Variants in KIAA1328 observed in about 807,000 individuals in gnomAD.
KIAA1328 encodes the protein protein hinderin.
In KIAA1328, 52 loss-of-function variants were observed where a neutral mutation model predicts 68.1. The observed-to-expected ratio is 0.76, with a 90% CI of 0.61 to 0.96. The LOEUF (loss-of-function observed/expected upper bound fraction) is 0.96, where lower values mean the gene tolerates loss of function less well. Among genes scored for constraint, KIAA1328 ranks in the 40% least tolerant of loss-of-function variants. KIAA1328 has a pLI of 0.00. For synonymous variants in KIAA1328, 232 were observed against 239.4 expected (o/e 0.97, Z 0.28); for missense variants, 641 against 677.6 (o/e 0.95, Z 0.60).
At chr18:37,042,043 C>T (rs1352604775) in intron 6 of KIAA1328, among the ~76,000 whole-genome samples, 1 of 151,938 alleles carries the variant, frequency 6.6e-6, no homozygotes, top group Non-Finnish European at 1.5e-5. Flanking sequence ...ACCACACCTA[C>T]CTAATTTTGT....
At chr18:36,996,550 G>A (rs190294649) in intron 6 of KIAA1328, among the ~76,000 whole-genome samples, 1 of 152,164 alleles carries the variant, frequency 6.6e-6, no homozygotes, top group East Asian at 1.9e-4. Context: ...TTAAAGCTCT[G>A]AGAAGATAAT....
At chr18:37,207,156 G>A (rs1047818238) in intron 9 of KIAA1328, among the ~76,000 whole-genome samples, 5 of 152,110 alleles carry the variant, frequency 3.3e-5, no homozygotes, top group African/African-American at 1.2e-4. Flanking sequence ...TGTTTACCTT[G>A]AGTCAATTTT....
chr18:37,096,270 T>C (rs895275287), intron 7 of KIAA1328, among the ~76,000 whole-genome samples: 1 of 152,106 alleles, frequency 6.6e-6, no homozygotes, highest in African/African-American at 2.4e-5. Context: ...ATGTTCCCCT[T>C]CCTGTGTCCA....
chr18:36,920,410 G>A (rs925700550), intron 5 of KIAA1328, among the ~76,000 whole-genome samples: 1 of 152,022 alleles, frequency 6.6e-6, no homozygotes, highest in African/African-American at 2.4e-5. Flanking sequence ...TGGTCTATGT[G>A]TCTTTTTTTT....
chr18:37,056,130 G>A (rs1245350259), intron 6 of KIAA1328, among the ~76,000 whole-genome samples: 1 of 152,040 alleles, frequency 6.6e-6, no homozygotes, highest in East Asian at 1.9e-4. Context: ...TACTGCAATT[G>A]TTTTTTGACA....
At chr18:36,969,014 TAAAC>T (rs1225278570) in intron 6 of KIAA1328, among the ~76,000 whole-genome samples, 1 of 152,154 alleles carries the variant, frequency 6.6e-6, no homozygotes, top group African/African-American at 2.4e-5. Context: ...TCATGGAAAT[TAAAC>T]AATCTGCTTG....
intron 6 of KIAA1328, among the ~76,000 whole-genome samples, chr18:36,994,782 A>G (rs1245773654): frequency 6.6e-6 from 1 of 152,068 alleles, no homozygotes; most frequent in Non-Finnish European, 1.5e-5. Flanking sequence ...TCCTTCTTAA[A>G]TAGACTTCTA....
chr18:37,172,104 G>C (rs971383250), intron 8 of KIAA1328, among the ~76,000 whole-genome samples: 8 of 152,166 alleles, frequency 5.3e-5, no homozygotes, highest in African/African-American at 1.9e-4. Context: ...TGGCATTTTA[G>C]GGTCTGGTAT....
chr18:37,067,793 C>T (rs965127628), intron 7 of KIAA1328, among the ~76,000 whole-genome samples: 3 of 152,070 alleles, frequency 2.0e-5, no homozygotes, highest in Non-Finnish European at 2.9e-5. Flanking sequence ...CTCCTGATCT[C>T]ATGATCCACC....
At chr18:36,880,754 T>A (rs1205721406) in intron 4 of KIAA1328, among the ~76,000 whole-genome samples, 1 of 152,148 alleles carries the variant, frequency 6.6e-6, no homozygotes, top group Non-Finnish European at 1.5e-5. Context: ...AGGTAGTTTC[T>A]CCTGTTCCTA....
At chr18:37,202,877 G>C (rs932805075) in intron 9 of KIAA1328, among the ~76,000 whole-genome samples, 1 of 152,054 alleles carries the variant, frequency 6.6e-6, no homozygotes, top group African/African-American at 2.4e-5. Flanking sequence ...GATATCAAAA[G>C]TAAGATCACA....
intron 6 of KIAA1328, among the ~76,000 whole-genome samples, chr18:37,046,848 C>T (rs1246296447): frequency 6.6e-6 from 1 of 152,130 alleles, no homozygotes; most frequent in Middle Eastern, 3.2e-3. Context: ...AAGGTAGTTC[C>T]AGCTGGGCGC....
At chr18:37,181,771 A>T (rs1288564097) in intron 9 of KIAA1328, among the ~76,000 whole-genome samples, 1 of 152,190 alleles carries the variant, frequency 6.6e-6, no homozygotes, top group Non-Finnish European at 1.5e-5. Context: ...AAATCTTTCT[A>T]AAGACCTAAG....
chr18:37,097,416 C>T (rs2057446777), intron 7 of KIAA1328, among the ~76,000 whole-genome samples: 1 of 152,110 alleles, frequency 6.6e-6, no homozygotes. Context: ...GGGCTCTGTT[C>T]TGTTCCATTG....
intron 5 of KIAA1328, among the ~76,000 whole-genome samples, chr18:36,939,445 G>A (rs529738507): frequency 6.6e-6 from 1 of 152,034 alleles, no homozygotes; most frequent in East Asian, 1.9e-4. Context: ...TTGGTTTTGG[G>A]TTCTGCAATT....
intron 7 of KIAA1328, among the ~76,000 whole-genome samples, chr18:37,071,062 T>C (rs2056513151): frequency 2.5e-5 from 2 of 79,562 alleles, no homozygotes; most frequent in African/African-American, 2.8e-4. Flanking sequence ...TCTTCCTTTT[T>C]TTTTTTTTTT....
At chr18:36,998,067 C>A (rs778052513) in intron 6 of KIAA1328, among the ~76,000 whole-genome samples, 125 of 152,244 alleles carry the variant, frequency 8.2e-4, no homozygotes, top group Admixed American at 7.2e-4. Context: ...GTCGCCCCAC[C>A]CTGCCCACCA....
chr18:36,955,464 C>T (rs1314058247), intron 5 of KIAA1328, among the ~76,000 whole-genome samples: 2 of 152,000 alleles, frequency 1.3e-5, no homozygotes, highest in Non-Finnish European at 2.9e-5. Flanking sequence ...TGCCTGCCAC[C>T]ACAGCCAGCT....
intron 3 of KIAA1328, among the ~76,000 whole-genome samples, chr18:36,842,076 C>T (rs894492734): frequency 6.6e-6 from 1 of 151,402 alleles, no homozygotes; most frequent in African/African-American, 2.4e-5. Context: ...AGTGCGAGAA[C>T]CAAAAAGGCA....
Sources: allele counts gnomAD v4.1 joint callset (sites outside exome capture counted in the v4.1 genomes callset), GRCh38; gene constraint gnomAD v4.1.1; transcripts MANE v1.5; gene names NCBI Gene and HGNC (gene_info 2026-07-23, HGNC 2026-07-21).